Variants in PRKX observed in about 807,000 individuals in gnomAD.
The protein encoded by PRKX is cAMP-dependent protein kinase catalytic subunit PRKX.
Under a neutral mutation model 22.0 loss-of-function variants are expected in PRKX, and 12 were observed. That is an observed-to-expected ratio of 0.54 (90% CI 0.35 to 0.88). PRKX has a LOEUF of 0.88. Among genes scored for constraint, PRKX ranks in the 40% least tolerant of loss-of-function variants. The pLI is 0.01. For synonymous variants in PRKX, 134 were observed against 137.7 expected, an observed-to-expected ratio of 0.97 and a Z score of 0.19; for missense variants, 217 against 308.0, an observed-to-expected ratio of 0.70 and a Z score of 2.21.
intron 3 of PRKX, among the ~76,000 whole-genome samples, chrX:3,653,950 A>ATT (rs1405012170): frequency 1.2e-3 from 57 of 47,261 alleles, no homozygotes; most frequent in East Asian, 3.1e-3. Context: ...TGATATATAT[A>ATT]ATATATATTA....
chrX:3,654,186 ATAT>A (rs1487305552), intron 3 of PRKX, among the ~76,000 whole-genome samples: 1 of 93,278 alleles, frequency 1.1e-5, no homozygotes, highest in Non-Finnish European at 2.0e-5. Flanking sequence ...TATATATTAT[ATAT>A]TATAATATAT....
chrX:3,669,324 ATCC>A (rs1389873277), intron 2 of PRKX, among the ~76,000 whole-genome samples: 3 of 35,874 alleles, frequency 8.4e-5, no homozygotes, highest in Non-Finnish European at 2.2e-4. Context: ...ATCTCCATCC[ATCC>A]ATCCATCCAT....
intron 2 of PRKX, among the ~76,000 whole-genome samples, chrX:3,664,967 TAAC>T (rs1927689324): frequency 8.9e-6 from 1 of 112,202 alleles, no homozygotes; most frequent in Non-Finnish European, 1.9e-5. Context: ...GTCTAAAGAT[TAAC>T]AACAACACAA....
chrX:3,638,449 C>A (rs1341722075), intron 4 of PRKX, among the ~76,000 whole-genome samples: 2 of 111,732 alleles, frequency 1.8e-5, no homozygotes, highest in African/African-American at 6.5e-5. Flanking sequence ...TACAACGATC[C>A]TCAGGCAATG....
chrX:3,640,358 G>A (rs1290278809), intron 4 of PRKX, among the ~76,000 whole-genome samples: 6 of 111,283 alleles, frequency 5.4e-5, no homozygotes, highest in Non-Finnish European at 7.5e-5. Flanking sequence ...CCTCTGACAC[G>A]TAGCTCACTC....
intron 5 of PRKX, among the ~76,000 whole-genome samples, chrX:3,624,898 G>C (rs1299344791): frequency 9.0e-6 from 1 of 111,509 alleles, no homozygotes; most frequent in Non-Finnish European, 1.9e-5. Flanking sequence ...GAAGTGCTGG[G>C]ATTACAGGCA....
At chrX:3,642,518 A>G (rs183843222) in intron 3 of PRKX, among the ~76,000 whole-genome samples, 289 of 110,840 alleles carry the variant, frequency 2.6e-3, no homozygotes, top group African/African-American at 9.0e-3. Context: ...TCTACCTGTC[A>G]GGTATGATGC....
intron 2 of PRKX, among the ~76,000 whole-genome samples, chrX:3,663,408 C>T (rs1318003412): frequency 2.1e-5 from 2 of 95,850 alleles, no homozygotes; most frequent in Non-Finnish European, 4.2e-5. Flanking sequence ...CTGAGCAACA[C>T]AGTGAGATCT....
In PRKX at chrX:3,693,676, G is replaced by A. The variant is rs756395618; in HGVS notation, c.167-18910C>T. Among the ~76,000 whole-genome samples, 9 of 110,895 alleles carry A rather than the reference G, an allele frequency of 8.1e-5. No homozygotes were observed. In the East Asian group the frequency reaches 8.5e-4, roughly 11 times the overall value. On this transcript the variant is annotated intron_variant, in intron 1 of 8. Coordinates refer to ENST00000262848, the MANE Select transcript of PRKX (RefSeq NM_005044.5). ...TTTGAGGCCGGGCGCGGTGGCTCAC[G>A]CCTGTAATCCCAGCACTTTGGGAGG...
chrX:3,626,539 T>C lies in PRKX; in HGVS notation c.720-25A>G, dbSNP rs747781089. ...CCTGTTAGAAAAACAAACATGTATT[T>C]TTAGTGGGGAGTAAGCATGGAAAAA... On this transcript the variant is annotated intron_variant, in intron 4 of 8. Coordinates refer to ENST00000262848, the MANE Select transcript of PRKX (RefSeq NM_005044.5). 3.5e-5 allele frequency: 38 copies of C among 1,097,870 alleles called. 1 individual carries two copies. Among genetic ancestry groups the C allele is most frequent in the Non-Finnish European group, 4.8e-5 (38 of 794,468 alleles). The allele number at this position is 1,097,870 out of a possible 1,213,427, so 90.5% of individuals were successfully genotyped here. A position where few individuals can be genotyped will look rare whatever the true frequency, so the allele number is the denominator to read the frequency against.
At position 3,613,824 on chromosome X, in the gene PRKX, G is replaced by A. The variant is rs1205998938; in HGVS notation, c.952-1499C>T. 6.3e-5 allele frequency among the ~76,000 whole-genome samples: 5 copies of A among 79,340 alleles called. No individual in the cohort carries two copies. The Admixed American group carries it at 7.5e-4, about 12-fold the overall frequency. 68.9% of individuals were successfully genotyped at this position (79,340 alleles called of 115,157 possible). A position where few individuals can be genotyped will look rare whatever the true frequency, so the allele number is the denominator to read the frequency against. Reference sequence around the variant, plus strand: ...AGATCACTCCACTGCACTACACCCCGAGCCTGAGCGACAAAGTGAGACTCC... The same window carrying A: ...AGATCACTCCACTGCACTACACCCCAAGCCTGAGCGACAAAGTGAGACTCC... On this transcript the variant is annotated intron_variant, in intron 7 of 8. Coordinates refer to ENST00000262848, the MANE Select transcript of PRKX (RefSeq NM_005044.5).
Position 3,618,632 on chromosome X carries a change from A to T in PRKX, c.873+2627T>A, listed in dbSNP as rs753517408. Among the ~76,000 whole-genome samples the T allele has an allele frequency of 7.4e-5, 7 of 94,252 alleles. No homozygotes were observed. In the South Asian group the frequency reaches 2.9e-3, roughly 39 times the overall value. 81.8% of individuals were successfully genotyped at this position (94,252 alleles called of 115,157 possible). ...TCATGTGTTAATTTAAAAAAAAAAT[A>T]AAATAAAGTCAGTGTTTTCTTGAGT... On this transcript the variant is annotated intron_variant, in intron 6 of 8. Coordinates refer to ENST00000262848, the MANE Select transcript of PRKX (RefSeq NM_005044.5).
chrX:3,650,317 C>G (rs769648452), intron 3 of PRKX, among the ~76,000 whole-genome samples: 3 of 101,176 alleles, frequency 3.0e-5, no homozygotes, highest in Non-Finnish European at 6.0e-5. Flanking sequence ...GTCAGGAGAT[C>G]GAGACCATCC....
chrX:3,622,838 CA>C (rs147879304), intron 5 of PRKX, among the ~76,000 whole-genome samples: 7,772 of 108,755 alleles, frequency 0.071, 245 homozygotes, highest in Non-Finnish European at 0.1. Flanking sequence ...TCCCCCCTGC[CA>C]AAAAAAAATC....
chrX:3,689,124 C>T (rs935265187), intron 1 of PRKX, among the ~76,000 whole-genome samples: 4 of 111,849 alleles, frequency 3.6e-5, no homozygotes, highest in African/African-American at 6.5e-5. Context: ...TAAGTGAAAC[C>T]GACGCATTGC....
chrX:3,609,170 T>G (rs191366912), intron 8 of PRKX, among the ~76,000 whole-genome samples: 4 of 108,871 alleles, frequency 3.7e-5, no homozygotes, highest in African/African-American at 1.1e-4. Flanking sequence ...TTTTTTGGTT[T>G]GTTTGTTTGA....
intron 3 of PRKX, among the ~76,000 whole-genome samples, chrX:3,642,449 G>A (rs1318214604): frequency 9.1e-6 from 1 of 109,930 alleles, no homozygotes; most frequent in Non-Finnish European, 1.9e-5. Flanking sequence ...CAGAGAGGGG[G>A]AAAAGCAGAC....
At chrX:3,668,167 A>C (rs75607723) in intron 2 of PRKX, 1 of 111,292 alleles carries the variant, frequency 9.0e-6, no homozygotes, top group African/African-American at 3.3e-5. Context: ...AAAAAATAAT[A>C]AAAAAGAAAA....
At chrX:3,712,594 C>G (rs1178249550) in intron 1 of PRKX, among the ~76,000 whole-genome samples, 1 of 112,567 alleles carries the variant, frequency 8.9e-6, no homozygotes, top group Non-Finnish European at 1.9e-5. Flanking sequence ...ACCTGTCCCC[C>G]ACAGCCCAGC....
Sources: allele counts gnomAD v4.1 joint callset (sites outside exome capture counted in the v4.1 genomes callset), GRCh38; gene constraint gnomAD v4.1.1; transcripts MANE v1.5; gene names NCBI Gene and HGNC (gene_info 2026-07-23, HGNC 2026-07-21).